The following AGPAT5 variants were observed in gnomAD, a reference collection of about 807,000 sequenced individuals.
AGPAT5 encodes the protein 1-acyl-sn-glycerol-3-phosphate acyltransferase epsilon.
A neutral mutation model predicts 45.6 loss-of-function variants in AGPAT5; 46 were observed. The observed-to-expected ratio is 1.01, with a 90% CI of 0.80 to 1.29. The LOEUF is 1.29. Ranked by LOEUF, AGPAT5 falls within the 50% of genes most tolerant of loss-of-function variation. AGPAT5 has a pLI of 0.00. For synonymous variants in AGPAT5, 272 were observed against 167.0 expected (o/e 1.63, Z -4.85); for missense variants, 673 against 450.7 (o/e 1.49, Z -4.47).
intron 1 of AGPAT5, among the ~76,000 whole-genome samples, chr8:6,710,954 G>A (rs1005291412): frequency 6.6e-6 from 1 of 152,018 alleles, no homozygotes; most frequent in Non-Finnish European, 1.5e-5. Flanking sequence ...CGTTTGCAAG[G>A]CTAGTGATGA....
chr8:6,755,220 G>T (rs1801795952), intron 7 of AGPAT5, 46 bp downstream of exon 7: 1 of 1,572,620 alleles, frequency 6.4e-7, no homozygotes, highest in African/African-American at 1.4e-5. Context: ...GGTTCAACTA[G>T]ATTTCAGTAT....
At chr8:6,714,298 C>T (rs1316725256) in intron 1 of AGPAT5, among the ~76,000 whole-genome samples, 1 of 152,088 alleles carries the variant, frequency 6.6e-6, no homozygotes, top group Non-Finnish European at 1.5e-5. Context: ...TGTGTTTCTG[C>T]ATTTGCTTAT....
chr8:6,713,691 C>G (rs1463046114), intron 1 of AGPAT5, among the ~76,000 whole-genome samples: 1 of 151,450 alleles, frequency 6.6e-6, no homozygotes, highest in African/African-American at 2.4e-5. Flanking sequence ...GTAGCTGGGA[C>G]TACAGGTACA....
intron 3 of AGPAT5, among the ~76,000 whole-genome samples, chr8:6,731,922 G>C (rs2911975): frequency 0.75 from 114,477 of 152,126 alleles, 44,220 homozygotes; most frequent in African/African-American, 0.93. Context: ...CCCAAGCACC[G>C]CTGGCACTGC....
chr8:6,757,201 G>A lies in AGPAT5; in HGVS notation c.908G>A (p.Arg303Lys). The change falls in exon 8 of 8, where the codon AGA becomes AAA. Residue 303 changes from arginine (R) to lysine (K), a missense_variant. Arg to Lys is a conservative substitution (Grantham distance 26). Transcript: ENST00000285518. ...IEFYESPDPE[R>K]RKRFPGKSVN... ...TTTTATGAGTCACCAGATCCAGAAA[G>A]AAGAAAAAGATTTCCTGGGAAAAGT... is the stretch of plus-strand genomic sequence containing the variant. 5.0e-6 allele frequency: 8 copies of A among 1,614,062 alleles called. No individual in the cohort carries two copies. The highest frequency in any genetic ancestry group is 6.8e-6 in the Non-Finnish European group (8 of 1,180,000).
At chr8:6,750,051 C>G (rs551835564) in intron 6 of AGPAT5, among the ~76,000 whole-genome samples, 2 of 152,224 alleles carry the variant, frequency 1.3e-5, no homozygotes, top group African/African-American at 4.8e-5. Flanking sequence ...GTGGCCAATC[C>G]TGCTTTCCAC....
chr8:6,742,875 T>C (rs1801284592), intron 5 of AGPAT5, among the ~76,000 whole-genome samples: 1 of 152,200 alleles, frequency 6.6e-6, no homozygotes, highest in Admixed American at 6.5e-5. Flanking sequence ...CCAGCTCTCT[T>C]TTGACTTTCA....
At chr8:6,730,899 T>A in intron 3 of AGPAT5, 73 bp downstream of exon 3, 1 of 941,984 alleles carries the variant, frequency 1.1e-6, no homozygotes, top group Non-Finnish European at 1.6e-6. Flanking sequence ...GGAGACAGTC[T>A]CACTTTATTG....
At chr8:6,752,778 G>A (rs1261354766) in intron 6 of AGPAT5, among the ~76,000 whole-genome samples, 1 of 152,194 alleles carries the variant, frequency 6.6e-6, no homozygotes, top group Non-Finnish European at 1.5e-5. Flanking sequence ...CTTCAACTAA[G>A]ATAGTTTTTG....
intron 1 of AGPAT5, among the ~76,000 whole-genome samples, chr8:6,714,587 G>A (rs1800259983): frequency 6.6e-6 from 1 of 152,104 alleles, no homozygotes; most frequent in Non-Finnish European, 1.5e-5. Context: ...TTCAAACACT[G>A]CCACAATACT....
rs1438662409 is a variant in AGPAT5, at chr8:6,759,826, A to C, written c.*2438A>C. Among the ~76,000 whole-genome samples the C allele has an allele frequency of 2.0e-5, 3 of 152,228 alleles. No homozygotes were observed. The highest frequency in any genetic ancestry group is 4.4e-5 in the Non-Finnish European group (3 of 68,046). On this transcript the variant is annotated 3_prime_UTR_variant, in exon 8 of 8. Coordinates refer to ENST00000285518, the MANE Select transcript of AGPAT5 (RefSeq NM_018361.5). ...ACTAAAATAATCAAAACTGTTAAGC[A>C]GTATATTAGTTTGGTTATATAAATT...
chr8:6,754,015 C>T (rs1801743524), intron 6 of AGPAT5, among the ~76,000 whole-genome samples: 1 of 152,204 alleles, frequency 6.6e-6, no homozygotes, highest in African/African-American at 2.4e-5. Context: ...TTTCTCAGAA[C>T]ACGTCTTTGA....
intron 1 of AGPAT5, among the ~76,000 whole-genome samples, chr8:6,720,533 C>G (rs75538899): frequency 1.8e-3 from 267 of 152,134 alleles, no homozygotes; most frequent in African/African-American, 6.1e-3. Flanking sequence ...GTTAAATGAC[C>G]CCAATATTGG....
intron 5 of AGPAT5, chr8:6,746,212 C>T (rs1270774331): frequency 6.6e-6 from 1 of 152,440 alleles, no homozygotes; most frequent in African/African-American, 2.4e-5. Context: ...TTCCCTGCCT[C>T]CTGCTCTTCC....
At chr8:6,742,525 C>T (rs142557897) in intron 5 of AGPAT5, among the ~76,000 whole-genome samples, 28 of 152,278 alleles carry the variant, frequency 1.8e-4, no homozygotes, top group African/African-American at 6.5e-4. Flanking sequence ...TTGTTGGTGA[C>T]ATTACAGCAG....
intron 2 of AGPAT5, among the ~76,000 whole-genome samples, chr8:6,726,691 G>C (rs1800698229): frequency 1.3e-5 from 2 of 152,130 alleles, no homozygotes; most frequent in Admixed American, 1.3e-4. Flanking sequence ...CTATGGGAAG[G>C]ATAATCTTCA....
At chr8:6,744,560 G>A (rs550315235) in intron 5 of AGPAT5, among the ~76,000 whole-genome samples, 2 of 152,066 alleles carry the variant, frequency 1.3e-5, no homozygotes, top group African/African-American at 2.4e-5. Context: ...TGCTTGGTTC[G>A]GGGTCCTGTG....
At chr8:6,711,050 G>A (rs1002248015) in intron 1 of AGPAT5, among the ~76,000 whole-genome samples, 1 of 151,928 alleles carries the variant, frequency 6.6e-6, no homozygotes, top group Non-Finnish European at 1.5e-5. Flanking sequence ...TAAATAAAAG[G>A]TTTATTAATT....
In AGPAT5 at chr8:6,747,661, G is replaced by T; in HGVS notation, c.587-9G>T. On this transcript the variant is annotated splice_polypyrimidine_tract_variant and intron_variant, in intron 5 of 7. Coordinates refer to ENST00000285518, the MANE Select transcript of AGPAT5 (RefSeq NM_018361.5). ...AACTAATTAATGACGGCACTGAATTGACTTCTAGGCCTTGCAGTATTAAAA... is the reference window on the plus strand; with the variant it reads ...AACTAATTAATGACGGCACTGAATTTACTTCTAGGCCTTGCAGTATTAAAA... The T allele has an allele frequency of 6.2e-7, 1 of 1,605,604 alleles. No individual in the cohort carries two copies. The highest frequency in any genetic ancestry group is 1.1e-5 in the South Asian group (1 of 90,270).
Sources: gnomAD v4.1 joint callset for allele counts (sites outside exome capture counted in the v4.1 genomes callset) on GRCh38, gnomAD v4.1.1 for gene constraint, MANE v1.5 for transcripts, NCBI Gene and HGNC (gene_info 2026-07-23, HGNC 2026-07-21) for gene names.